The following ARFGEF3 variants were observed in gnomAD, a reference collection of about 807,000 sequenced individuals.
The protein encoded by ARFGEF3 is ARFGEF family member 3.
A neutral mutation model predicts 221.7 loss-of-function variants in ARFGEF3; 96 were observed. The observed-to-expected ratio is 0.43, with a 90% CI of 0.37 to 0.51. ARFGEF3 has a LOEUF of 0.51. ARFGEF3 is among the 20% of genes least tolerant of loss of function. The pLI is 0.00. For synonymous variants in ARFGEF3, 1,145 were observed against 1,126.8 expected, an observed-to-expected ratio of 1.02 and a Z score of -0.32; for missense variants, 2,410 against 2,789.9, an observed-to-expected ratio of 0.86 and a Z score of 3.07.
intron 4 of ARFGEF3, among the ~76,000 whole-genome samples, chr6:138,221,781 A>T (rs1777986375): frequency 6.6e-6 from 1 of 152,216 alleles, no homozygotes. Flanking sequence ...TAAAGGCCAG[A>T]AAAGAACCCG....
At chr6:138,287,663 T>G (rs1779321681) in intron 17 of ARFGEF3, among the ~76,000 whole-genome samples, 1 of 152,232 alleles carries the variant, frequency 6.6e-6, no homozygotes, top group South Asian at 2.1e-4. Context: ...AAATGGCTGA[T>G]TTTTAACTTG....
At chr6:138,204,869 C>T (rs1267517080) in intron 2 of ARFGEF3, among the ~76,000 whole-genome samples, 1 of 152,158 alleles carries the variant, frequency 6.6e-6, no homozygotes, top group Non-Finnish European at 1.5e-5. Context: ...CAGCCAAAAC[C>T]TAGTTGAACC....
At chr6:138,166,302 A>G (rs1371637869) in intron 1 of ARFGEF3, among the ~76,000 whole-genome samples, 3 of 152,262 alleles carry the variant, frequency 2.0e-5, no homozygotes, top group African/African-American at 4.8e-5. Flanking sequence ...TAATGGAACA[A>G]CATAAAGAAA....
At position 138,336,489 on chromosome 6, in the gene ARFGEF3, G is replaced by T; in HGVS notation, c.*3G>T. On this transcript the variant is annotated 3_prime_UTR_variant, in exon 34 of 34. Transcript: ENST00000251691. ...GTGTCTATGACATCATTGTGTAGCC[G>T]ACTCCTGTTCTACTCTCCCACCAAA... is the stretch of plus-strand genomic sequence containing the variant. 6 of 1,599,384 alleles carry T rather than the reference G, an allele frequency of 3.8e-6. No individual in the cohort carries two copies. The highest frequency in any genetic ancestry group is 5.1e-6 in the Non-Finnish European group (6 of 1,172,782).
intron 4 of ARFGEF3, among the ~76,000 whole-genome samples, chr6:138,225,926 CATTTA>C (rs1218314341): frequency 6.6e-6 from 1 of 152,118 alleles, no homozygotes; most frequent in African/African-American, 2.4e-5. Context: ...TTTAAACATT[CATTTA>C]ATTTATTTGT....
chr6:138,339,190 G>A lies in ARFGEF3; in HGVS notation c.*2704G>A, dbSNP rs1780383804. ...AGCTTGATGCAAAGTAGTCTCTAAT[G>A]AGTAGGCATTCAGGTGGTTCTTCCC... On this transcript the variant is annotated 3_prime_UTR_variant, in exon 34 of 34. Transcript: ENST00000251691. 6.6e-6 allele frequency: 1 copy of A among 152,236 alleles called. No homozygotes were observed. The highest frequency in any genetic ancestry group is 2.4e-5 in the African/African-American group (1 of 41,448). 9.4% of individuals were successfully genotyped at this position (152,236 alleles called of 1,614,324 possible). A position where few individuals can be genotyped will look rare whatever the true frequency, so the allele number is the denominator to read the frequency against.
intron 28 of ARFGEF3, among the ~76,000 whole-genome samples, chr6:138,320,897 T>G (rs1215893526): frequency 6.6e-6 from 1 of 151,510 alleles, no homozygotes; most frequent in Non-Finnish European, 1.5e-5. Context: ...TGAAACATGC[T>G]GAAATTGGGT....
At chr6:138,318,300 A>G (rs1293261753) in intron 27 of ARFGEF3, among the ~76,000 whole-genome samples, 2 of 152,228 alleles carry the variant, frequency 1.3e-5, no homozygotes, top group Non-Finnish European at 2.9e-5. Context: ...ATTGATTGCC[A>G]CTAAATGTGT....
At chr6:138,323,037 T>C (rs1303717585) in intron 29 of ARFGEF3, among the ~76,000 whole-genome samples, 1 of 151,384 alleles carries the variant, frequency 6.6e-6, no homozygotes, top group African/African-American at 2.4e-5. Context: ...GATAAGAGTT[T>C]GGGGTTTGGT....
intron 12 of ARFGEF3, among the ~76,000 whole-genome samples, chr6:138,264,035 C>A (rs1778839543): frequency 6.6e-6 from 1 of 152,174 alleles, no homozygotes; most frequent in South Asian, 2.1e-4. Context: ...GGATCAGTTG[C>A]ACGCCAAGTC....
Position 138,336,795 on chromosome 6 carries a change from A to C in ARFGEF3, c.*309A>C, listed in dbSNP as rs1583074391. On this transcript the variant is annotated 3_prime_UTR_variant, in exon 34 of 34. Coordinates refer to ENST00000251691, the MANE Select transcript of ARFGEF3 (RefSeq NM_020340.5). ...GCTTTTGCTTACAGTGTTGTCCCCA[A>C]ATGGGTCATTTTCAAGGATTACTCA... 3.1e-5 allele frequency: 6 copies of C among 194,584 alleles called. No homozygotes were observed. In the East Asian group the frequency reaches 7.5e-4, roughly 24 times the overall value. 12.1% of individuals were successfully genotyped at this position (194,584 alleles called of 1,614,324 possible).
intron 14 of ARFGEF3, among the ~76,000 whole-genome samples, chr6:138,281,112 T>A (rs1779189025): frequency 6.6e-6 from 1 of 152,174 alleles, no homozygotes; most frequent in African/African-American, 2.4e-5. Flanking sequence ...GAGGATTTCA[T>A]CATTGTTTTG....
intron 9 of ARFGEF3, among the ~76,000 whole-genome samples, 157 bp downstream of exon 9, chr6:138,254,141 G>A (rs1778630905): frequency 6.6e-6 from 1 of 152,130 alleles, no homozygotes; most frequent in Non-Finnish European, 1.5e-5. Flanking sequence ...TTGTGGCCAG[G>A]TGCAGTTGTT....
chr6:138,186,902 C>CTTTTTTTTTTTTTTTTTT, intron 2 of ARFGEF3, among the ~76,000 whole-genome samples: 1 of 76,002 alleles, frequency 1.3e-5, no homozygotes, highest in Non-Finnish European at 2.3e-5. Context: ...CATCCTTTTT[C>CTTTTTTTTTTTTTTTTTT]TTTTTTTTTT....
intron 32 of ARFGEF3, among the ~76,000 whole-genome samples, chr6:138,330,790 A>G (rs1722821131): frequency 6.6e-6 from 1 of 152,242 alleles, no homozygotes; most frequent in East Asian, 1.9e-4. Flanking sequence ...GTACATACCA[A>G]AAAAATGTGG....
Position 138,298,687 on chromosome 6 carries a change from T to G in ARFGEF3, c.3730T>G (p.Trp1244Gly). The change falls in exon 22 of 34, where the codon TGG becomes GGG. Residue 1244 changes from tryptophan (W) to glycine (G), a missense_variant. By Grantham distance (184) the Trp-to-Gly change is radical. Transcript: ENST00000251691. Reference sequence around the variant, plus strand: ...CATACTGACAGAAGTCCTCACTGACTGGAATGAGCCACCTCATTTTCACTT... The same window carrying G: ...CATACTGACAGAAGTCCTCACTGACGGGAATGAGCCACCTCATTTTCACTT... ...HDILTEVLTD[W>G]NEPPHFHFNE... 6.2e-7 allele frequency: 1 copy of G among 1,613,272 alleles called. No homozygotes were observed. The highest frequency in any genetic ancestry group is 8.5e-7 in the Non-Finnish European group (1 of 1,179,360).
At chr6:138,299,220 A>AC (rs1779583758) in intron 22 of ARFGEF3, among the ~76,000 whole-genome samples, 1 of 150,986 alleles carries the variant, frequency 6.6e-6, no homozygotes, top group African/African-American at 2.5e-5. Context: ...AAAAAAAAAA[A>AC]AAAACAGAAA....
At chr6:138,328,387 A>G (rs557259398) in intron 32 of ARFGEF3, among the ~76,000 whole-genome samples, 249 of 152,286 alleles carry the variant, frequency 1.6e-3, no homozygotes, top group African/African-American at 5.8e-3. Flanking sequence ...GCAGAACCAT[A>G]TATCCCACAT....
chr6:138,192,423 G>T (rs1388306061), intron 2 of ARFGEF3, among the ~76,000 whole-genome samples: 2 of 152,180 alleles, frequency 1.3e-5, no homozygotes, highest in African/African-American at 4.8e-5. Flanking sequence ...GGAGGTGGAG[G>T]TTGCAGTGAG....
Sources: allele counts gnomAD v4.1 joint callset (sites outside exome capture counted in the v4.1 genomes callset), GRCh38; gene constraint gnomAD v4.1.1; transcripts MANE v1.5; gene names NCBI Gene and HGNC (gene_info 2026-07-23, HGNC 2026-07-21).